ADAMTS10: variants seen among roughly 807,000 people sequenced by gnomAD.
ADAMTS10 encodes the protein ADAM metallopeptidase with thrombospondin type 1 motif 10.
A neutral mutation model predicts 135.9 loss-of-function variants in ADAMTS10; 48 were observed. The ratio of observed to expected loss-of-function variants is 0.35; its 90% CI spans 0.28 to 0.45. The LOEUF (loss-of-function observed/expected upper bound fraction) is 0.45. Among genes scored for constraint, ADAMTS10 ranks in the 20% least tolerant of loss-of-function variants. The pLI is 1.00. For synonymous variants in ADAMTS10, 621 were observed against 647.5 expected, an observed-to-expected ratio of 0.96 and a Z score of 0.62; for missense variants, 1,131 against 1,565.2, an observed-to-expected ratio of 0.72 and a Z score of 4.68.
intron 22 of ADAMTS10, 72 bp downstream of exon 22, chr19:8,586,050 G>A: frequency 2.5e-6 from 4 of 1,609,340 alleles, no homozygotes; most frequent in Admixed American, 1.7e-5. Flanking sequence ...CACCCCCCTG[G>A]AGCACTCGCT....
intron 1 of ADAMTS10, among the ~76,000 whole-genome samples, 187 bp from the exon 2 acceptor site, chr19:8,608,435 C>T (rs1181399663): frequency 2.0e-5 from 3 of 152,140 alleles, no homozygotes; most frequent in Non-Finnish European, 4.4e-5. Context: ...TCTCCCTCTC[C>T]CTCTCTTCTT....
At chr19:8,604,143 T>G (rs553945918) in intron 4 of ADAMTS10, among the ~76,000 whole-genome samples, 2 of 151,882 alleles carry the variant, frequency 1.3e-5, no homozygotes, top group South Asian at 4.2e-4. Context: ...CTCAACTTCC[T>G]GGGCTCAAGC....
In ADAMTS10 at chr19:8,586,102, T is replaced by C; in HGVS notation, c.2660+20A>G. On this transcript the variant is annotated intron_variant, in intron 22 of 25. Coordinates refer to ENST00000597188, the MANE Select transcript of ADAMTS10 (RefSeq NM_030957.4). ...ACTCTCCTCTCACCCTGAGCAACAC[T>C]GCCCCCTGGCGGCACTCACTCTGGA... 1 of 1,612,440 alleles carries C rather than the reference T, an allele frequency of 6.2e-7. No individual in the cohort carries two copies. Among genetic ancestry groups the C allele is most frequent in the South Asian group, 1.1e-5 (1 of 91,036 alleles).
At chr19:8,607,392 T>C in intron 2 of ADAMTS10, among the ~76,000 whole-genome samples, 1 of 152,130 alleles carries the variant, frequency 6.6e-6, no homozygotes, top group Non-Finnish European at 1.5e-5. Flanking sequence ...ATTCAGATTC[T>C]TTCAAGGCTC....
At chr19:8,598,565 ATTTTTTTTTTTTTTT>A (rs34389376) in intron 6 of ADAMTS10, among the ~76,000 whole-genome samples, 3 of 70,760 alleles carry the variant, frequency 4.2e-5, no homozygotes, top group African/African-American at 5.8e-5. Context: ...AATCCCCAGA[ATTTTTTTTTTTTTTT>A]TTTTTTTTTT....
chr19:8,583,655 T>C (rs183826126), intron 25 of ADAMTS10, among the ~76,000 whole-genome samples: 1 of 151,602 alleles, frequency 6.6e-6, no homozygotes, highest in Non-Finnish European at 1.5e-5. Context: ...AAGACCAGCC[T>C]GGGCTACATA....
chr19:8,589,261 G>A lies in ADAMTS10; in HGVS notation c.2139C>T (p.Ser713=), dbSNP rs782599637. The A allele has an allele frequency of 1.2e-6, 2 of 1,612,580 alleles. No individual in the cohort carries two copies. The highest frequency in any genetic ancestry group is 1.1e-5 in the South Asian group (1 of 91,074). The change falls in exon 18 of 26, where the codon AGC becomes AGT. Residue 713 remains serine, a synonymous_variant. Coordinates refer to ENST00000597188, the MANE Select transcript of ADAMTS10 (RefSeq NM_030957.4). ...TCTCACCGGCCCCAGGTGAGGCTGG[G>A]CTGAAGACGCCCTCGATGGTCTCGC... ...SACETIEGVF[S]PASPGAGYED... is the part of the protein sequence containing the mutation.
Position 8,605,111 on chromosome 19 carries a change from C to T in ADAMTS10, c.336G>A (p.Leu112=). The change falls in exon 4 of 26, where the codon CTG becomes CTA. Residue 112 remains leucine, a synonymous_variant. Coordinates refer to ENST00000597188, the MANE Select transcript of ADAMTS10 (RefSeq NM_030957.4). This position sits in a 1 kb window ranked among gnomAD's most constrained non-coding sequence, Gnocchi z 7.7. ...VSVEYWTREG[L]AWQRAARPHC... Reference sequence around the variant, plus strand: ...GGGGCCGGGCCGCCCTCTGCCAGGCCAGGCCCTCCCGTGTCCAGTACTCCA... The same window carrying T: ...GGGGCCGGGCCGCCCTCTGCCAGGCTAGGCCCTCCCGTGTCCAGTACTCCA... The T allele has an allele frequency of 6.2e-7, 1 of 1,613,294 alleles. No homozygotes were observed. Among genetic ancestry groups the T allele is most frequent in the Non-Finnish European group, 8.5e-7 (1 of 1,179,800 alleles).
In ADAMTS10 at chr19:8,605,883, G is replaced by A. The variant is rs1433647327; in HGVS notation, c.-99-74C>T. ...ACAACCAATGCCAAGGCCAATCATG[G>A]CCAAAGCTTTTCACCTGACTCTGAA... is the stretch of plus-strand genomic sequence containing the variant. On this transcript the variant is annotated intron_variant, in intron 2 of 25. Coordinates refer to ENST00000597188, the MANE Select transcript of ADAMTS10 (RefSeq NM_030957.4). The surrounding 1 kb of genome is among the most constrained non-coding windows in gnomAD (Gnocchi z 7.7). 5.9e-6 allele frequency: 8 copies of A among 1,359,252 alleles called. No homozygotes were observed. In the Admixed American group the frequency reaches 2.0e-4, roughly 33 times the overall value. The allele number at this position is 1,359,252 out of a possible 1,614,324, so 84.2% of individuals were successfully genotyped here.
chr19:8,604,001 C>CTT lies in ADAMTS10; in HGVS notation c.436-119_436-118dup, dbSNP rs36044688. ...TCTTATCAGGTTTATTTTGCTATTT[C>CTT]TTTTTTTTTTTTTGGCATAGGTAAT... is the stretch of plus-strand genomic sequence containing the variant. On this transcript the variant is annotated intron_variant, in intron 4 of 25. Coordinates refer to ENST00000597188, the MANE Select transcript of ADAMTS10 (RefSeq NM_030957.4). 7,541 of 821,900 alleles carry CTT rather than the reference C, an allele frequency of 9.2e-3. 4 individuals are homozygous for CTT. The highest frequency in any genetic ancestry group is 0.016 in the African/African-American group (866 of 54,534). 50.9% of individuals were successfully genotyped at this position (821,900 alleles called of 1,614,324 possible).
intron 18 of ADAMTS10, 76 bp downstream of exon 18, chr19:8,589,166 A>G: frequency 6.2e-7 from 1 of 1,601,354 alleles, no homozygotes; most frequent in Non-Finnish European, 8.5e-7. Flanking sequence ...GATCTCAGCT[A>G]CTGCACTGGG....
chr19:8,608,779 T>C (rs2042748954), intron 1 of ADAMTS10, among the ~76,000 whole-genome samples: 1 of 151,862 alleles, frequency 6.6e-6, no homozygotes, highest in Non-Finnish European at 1.5e-5. Context: ...CCCAAAACCC[T>C]CACACCCCCT....
At position 8,605,753 on chromosome 19, in the gene ADAMTS10, G is replaced by A; in HGVS notation, c.-43C>T. On this transcript the variant is annotated 5_prime_UTR_variant, in exon 3 of 26. Transcript: ENST00000597188. This position sits in a 1 kb window ranked among gnomAD's most constrained non-coding sequence, Gnocchi z 7.7. ...ATGTCTCTCCCCAGCCCCGGCTGCC[G>A]GCAGCCCCCACAGTGCCGCCTCCCC... is the stretch of plus-strand genomic sequence containing the variant. 6.4e-7 allele frequency: 1 copy of A among 1,566,706 alleles called. No homozygotes were observed. The highest frequency in any genetic ancestry group is 8.6e-7 in the Non-Finnish European group (1 of 1,159,714).
Position 8,601,127 on chromosome 19 carries a change from C to T in ADAMTS10, c.611G>A (p.Gly204Glu). ...CAAGGTCCGCAGCCACCATGGCCGCCCTTTCCACGGTTTCTCATCTGGGGA... is the reference window on the plus strand; with the variant it reads ...CAAGGTCCGCAGCCACCATGGCCGCTCTTTCCACGGTTTCTCATCTGGGGA... ...CGVRDEKPWK[G>E]RPWWLRTLKP... is the part of the protein sequence containing the mutation. Residue 204 changes from glycine to glutamate, a missense_variant, in exon 6 of 26, where the codon GGG becomes GAG. Coordinates refer to ENST00000597188, the MANE Select transcript of ADAMTS10 (RefSeq NM_030957.4). This position sits in a 1 kb window ranked among gnomAD's most constrained non-coding sequence, Gnocchi z 4.6. 1 of 1,613,762 alleles carries T rather than the reference C, an allele frequency of 6.2e-7. No individual in the cohort carries two copies. The highest frequency in any genetic ancestry group is 1.1e-5 in the South Asian group (1 of 91,076).
rs147658534 is a variant in ADAMTS10, at chr19:8,586,687, C to G, written c.2274G>C (p.Glu758Asp). The G allele has an allele frequency of 5.6e-6, 9 of 1,613,140 alleles. No individual in the cohort carries two copies. Among genetic ancestry groups the G allele is most frequent in the Non-Finnish European group, 7.6e-6 (9 of 1,179,332 alleles). ...LKGDQESLLL[E>D]GLPGTPQPHR... Reference sequence around the variant, plus strand: ...GGGGCTGGGGGGTCCCAGGCAGCCCCTCCAGCAGCAGGGACTCCTGGTCTC... The same window carrying G: ...GGGGCTGGGGGGTCCCAGGCAGCCCGTCCAGCAGCAGGGACTCCTGGTCTC... Residue 758 changes from glutamate to aspartate, a missense_variant, in exon 20 of 26, where the codon GAG becomes GAC. Physicochemically the swap from Glu to Asp is conservative, Grantham distance 45. Transcript: ENST00000597188.
intron 25 of ADAMTS10, chr19:8,581,343 T>C (rs1555735810): frequency 1.2e-5 from 2 of 173,788 alleles, no homozygotes; most frequent in Non-Finnish European, 2.5e-5. Context: ...CTAGGCTGTT[T>C]TGAGGATTTA....
chr19:8,604,316 G>A (rs1456019053), intron 4 of ADAMTS10, among the ~76,000 whole-genome samples: 3 of 150,394 alleles, frequency 2.0e-5, no homozygotes, highest in Non-Finnish European at 3.0e-5. Context: ...TCCTGCCTCG[G>A]CCTCCCAAAG....
At chr19:8,610,341 AAC>A (rs35118932) in intron 1 of ADAMTS10, among the ~76,000 whole-genome samples, 1 of 150,404 alleles carries the variant, frequency 6.6e-6, no homozygotes, top group African/African-American at 2.5e-5. Flanking sequence ...ACACTGTCCA[AAC>A]ACACAGACAC....
At chr19:8,583,682 A>C (rs2042383837) in intron 25 of ADAMTS10, among the ~76,000 whole-genome samples, 1 of 151,722 alleles carries the variant, frequency 6.6e-6, no homozygotes, top group South Asian at 2.1e-4. Flanking sequence ...CCCCGTCTCT[A>C]TCAAAGAATA....
Sources: gnomAD v4.1 joint callset for allele counts (sites outside exome capture counted in the v4.1 genomes callset) on GRCh38, gnomAD v4.1.1 for gene constraint, Gnocchi (gnomAD v3.1) non-coding constraint, MANE v1.5 for transcripts, NCBI Gene and HGNC (gene_info 2026-07-23, HGNC 2026-07-21) for gene names.